SGK1: variants seen among roughly 807,000 people sequenced by gnomAD.
The protein encoded by SGK1 is serum/glucocorticoid regulated kinase 1.
In SGK1, 26 loss-of-function variants were observed where a neutral mutation model predicts 64.2. The observed-to-expected ratio is 0.40, with a 90% CI of 0.30 to 0.56. The LOEUF is 0.56. SGK1 is among the 20% of genes least tolerant of loss of function. SGK1 has a pLI of 0.38. For synonymous variants in SGK1, 265 were observed against 239.7 expected, an observed-to-expected ratio of 1.11 and a Z score of -0.98; for missense variants, 519 against 645.6, an observed-to-expected ratio of 0.80 and a Z score of 2.12.
At chr6:134,268,971 A>G (rs1582753926) in intron 1 of SGK1, among the ~76,000 whole-genome samples, 1 of 145,876 alleles carries the variant, frequency 6.9e-6, no homozygotes, top group African/African-American at 2.5e-5. Flanking sequence ...AAAGCCATCC[A>G]AAAGCAATCC....
chr6:134,198,424 C>T (rs896235573), intron 3 of SGK1, among the ~76,000 whole-genome samples: 1 of 152,128 alleles, frequency 6.6e-6, no homozygotes, highest in Non-Finnish European at 1.5e-5. Flanking sequence ...TGCCATACTT[C>T]GGCAGACAAG....
intron 3 of SGK1, among the ~76,000 whole-genome samples, chr6:134,200,231 C>T (rs1259025370): frequency 6.6e-6 from 1 of 152,224 alleles, no homozygotes; most frequent in South Asian, 2.1e-4. Flanking sequence ...ATGAGAAATT[C>T]TAAGCCCTGT....
intron 3 of SGK1, among the ~76,000 whole-genome samples, chr6:134,201,750 C>T (rs1216204252): frequency 1.3e-5 from 2 of 152,132 alleles, no homozygotes; most frequent in Non-Finnish European, 2.9e-5. Context: ...TAGAACATGG[C>T]CTTTGTAAAG....
chr6:134,238,949 C>T (rs1326046077), intron 2 of SGK1, among the ~76,000 whole-genome samples: 1 of 152,190 alleles, frequency 6.6e-6, no homozygotes, highest in Non-Finnish European at 1.5e-5. Context: ...AACTATTAAA[C>T]TGTAAATATT....
intron 3 of SGK1, chr6:134,176,123 G>T: frequency 2.8e-6 from 1 of 359,680 alleles, no homozygotes; most frequent in Non-Finnish European, 3.9e-6. Context: ...GGGAGGGGTA[G>T]CTTTGCCCGG....
Position 134,262,022 on chromosome 6 carries a change from G to A in SGK1, c.196C>T (p.Gln66Ter). ...AAAGCATGTTCACCCAGGCATGTTTGACACAAGGAAGACTCGAAGTCTGGC... is the reference window on the plus strand; with the variant it reads ...AAAGCATGTTCACCCAGGCATGTTTAACACAAGGAAGACTCGAAGTCTGGC... The part of the protein sequence containing the change: ...GEPDFESSLC[Q>*]TCLGEHAFQR... The change falls in exon 2 of 14, where the codon CAA becomes TAA. Residue 66 changes from glutamine (Q) to a stop codon, truncating the protein, a stop_gained. Coordinates refer to ENST00000367858, the MANE Select transcript of SGK1 (RefSeq NM_001143676.3). LOFTEE classifies it high-confidence loss of function. The A allele has an allele frequency of 6.2e-7, 1 of 1,613,870 alleles. No homozygotes were observed. The highest frequency in any genetic ancestry group is 8.5e-7 in the Non-Finnish European group (1 of 1,179,782).
intron 1 of SGK1, among the ~76,000 whole-genome samples, chr6:134,295,540 C>T (rs1229201851): frequency 6.6e-6 from 1 of 152,112 alleles, no homozygotes; most frequent in Non-Finnish European, 1.5e-5. Flanking sequence ...CTTGTCTCTA[C>T]TAAAAATACA....
intron 1 of SGK1, among the ~76,000 whole-genome samples, chr6:134,309,393 C>T (rs578118639): frequency 3.7e-4 from 56 of 152,332 alleles, no homozygotes; most frequent in African/African-American, 1.3e-3. Context: ...CCTCCTCCAC[C>T]TCCTTCTCCT....
intron 1 of SGK1, among the ~76,000 whole-genome samples, chr6:134,295,205 TG>T (rs1343869049): frequency 1.3e-5 from 2 of 152,120 alleles, no homozygotes; most frequent in Non-Finnish European, 2.9e-5. Flanking sequence ...TAAGCTATTC[TG>T]CATGGTTGGA....
chr6:134,229,078 G>A (rs1776237074), intron 2 of SGK1, among the ~76,000 whole-genome samples: 1 of 152,206 alleles, frequency 6.6e-6, no homozygotes, highest in Non-Finnish European at 1.5e-5. Context: ...TGATCCGCCC[G>A]CCTTGGCCTC....
At chr6:134,281,920 C>T (rs1030236396) in intron 1 of SGK1, among the ~76,000 whole-genome samples, 14 of 152,118 alleles carry the variant, frequency 9.2e-5, no homozygotes, top group African/African-American at 3.1e-4. Context: ...TGCATTTGAG[C>T]CATGATAGGC....
At chr6:134,221,980 C>T (rs377714954) in intron 2 of SGK1, among the ~76,000 whole-genome samples, 1 of 152,192 alleles carries the variant, frequency 6.6e-6, no homozygotes, top group South Asian at 2.1e-4. Flanking sequence ...CGTTACTTAT[C>T]CCTAAATAAT....
At chr6:134,177,252 CA>C (rs1175257516) in intron 3 of SGK1, among the ~76,000 whole-genome samples, 3 of 151,640 alleles carry the variant, frequency 2.0e-5, no homozygotes, top group East Asian at 1.9e-4. Flanking sequence ...AAAACAAAAA[CA>C]AAAAAAACAC....
At chr6:134,175,728 A>G in intron 3 of SGK1, 1 of 1,374,454 alleles carries the variant, frequency 7.3e-7, no homozygotes, top group Non-Finnish European at 9.4e-7. Flanking sequence ...TCCTTGAAGG[A>G]GCCGCCGTGA....
chr6:134,175,000 C>G (rs994678067), intron 3 of SGK1: 3 of 1,157,440 alleles, frequency 2.6e-6, no homozygotes, highest in Admixed American at 3.0e-5. Context: ...CTGGCGGCTA[C>G]GCTGCCTGCG....
intron 4 of SGK1, 179 bp downstream of exon 4, chr6:134,174,332 C>G: frequency 1.6e-6 from 1 of 617,924 alleles, no homozygotes; most frequent in Non-Finnish European, 2.8e-6. Context: ...CCAGTTCAAG[C>G]CAAATCAGCA....
chr6:134,239,475 T>G (rs1385114250), intron 2 of SGK1, among the ~76,000 whole-genome samples: 1 of 152,232 alleles, frequency 6.6e-6, no homozygotes, highest in Non-Finnish European at 1.5e-5. Flanking sequence ...CTGATGTAGA[T>G]AGTATCAGCC....
chr6:134,217,302 G>T (rs964048315), intron 2 of SGK1, among the ~76,000 whole-genome samples: 1 of 152,196 alleles, frequency 6.6e-6, no homozygotes, highest in African/African-American at 2.4e-5. Flanking sequence ...GAGGGTCAAA[G>T]CTGTCCACGA....
At chr6:134,260,927 C>G (rs1396147855) in intron 2 of SGK1, 1 of 152,032 alleles carries the variant, frequency 6.6e-6, no homozygotes, top group Non-Finnish European at 1.5e-5. Flanking sequence ...CATGTTCTGT[C>G]TTCTAAATAT....
Sources: gnomAD v4.1 joint callset for allele counts (sites outside exome capture counted in the v4.1 genomes callset) on GRCh38, gnomAD v4.1.1 for gene constraint, MANE v1.5 for transcripts, NCBI Gene and HGNC (gene_info 2026-07-23, HGNC 2026-07-21) for gene names.